RALYL: variants seen among roughly 807,000 people sequenced by gnomAD.
RALYL encodes the protein RNA-binding Raly-like protein.
A neutral mutation model predicts 35.1 loss-of-function variants in RALYL; 29 were observed. That is an observed-to-expected ratio of 0.83 (90% CI 0.61 to 1.13). RALYL has a LOEUF of 1.13. Among genes scored for constraint, RALYL ranks in the 50% most tolerant of loss-of-function variants. RALYL has a pLI of 0.00. For synonymous variants in RALYL, 120 were observed against 127.6 expected, an observed-to-expected ratio of 0.94 and a Z score of 0.40; for missense variants, 359 against 360.4, an observed-to-expected ratio of 1.00 and a Z score of 0.03.
chr8:84,301,527 G>A (rs1175143098), intron 1 of RALYL, among the ~76,000 whole-genome samples: 1 of 151,956 alleles, frequency 6.6e-6, no homozygotes, highest in South Asian at 2.1e-4. Context: ...ACGATAGTGC[G>A]AGGCCATAAA....
At chr8:84,349,206 G>C in intron 1 of RALYL, among the ~76,000 whole-genome samples, 1 of 150,270 alleles carries the variant, frequency 6.7e-6, no homozygotes, top group South Asian at 2.1e-4. Context: ...AGTTTATTTG[G>C]CTAGGATTCC....
intron 1 of RALYL, among the ~76,000 whole-genome samples, chr8:84,242,367 A>C (rs1257630822): frequency 2.0e-5 from 3 of 152,196 alleles, no homozygotes; most frequent in Admixed American, 1.3e-4. Flanking sequence ...CAATAACAGA[A>C]TTGCTGTGTC....
chr8:84,495,896 A>T (rs954344227), intron 1 of RALYL, among the ~76,000 whole-genome samples: 1 of 152,164 alleles, frequency 6.6e-6, no homozygotes, highest in African/African-American at 2.4e-5. Context: ...ATGGAAAGAT[A>T]GTAGACTTTG....
intron 1 of RALYL, among the ~76,000 whole-genome samples, chr8:84,397,733 G>A (rs2042487032): frequency 1.3e-5 from 2 of 152,134 alleles, no homozygotes; most frequent in South Asian, 4.1e-4. Flanking sequence ...CACATTCAAA[G>A]AGCCCCTCCT....
At chr8:84,284,317 G>A (rs1429785076) in intron 1 of RALYL, among the ~76,000 whole-genome samples, 1 of 152,118 alleles carries the variant, frequency 6.6e-6, no homozygotes, top group African/African-American at 2.4e-5. Flanking sequence ...AAGCAGTAAT[G>A]CAGAAAATTG....
chr8:84,553,106 AAATCTT>A (rs1368510052), intron 2 of RALYL, among the ~76,000 whole-genome samples: 3 of 146,762 alleles, frequency 2.0e-5, no homozygotes, highest in African/African-American at 8.3e-5. Context: ...AAGTAAAAAC[AAATCTT>A]AATCTTAAAT....
At chr8:84,662,948 A>G (rs189012340) in intron 2 of RALYL, among the ~76,000 whole-genome samples, 2 of 152,142 alleles carry the variant, frequency 1.3e-5, no homozygotes, top group African/African-American at 4.8e-5. Flanking sequence ...CAGATTAAGC[A>G]CAGCATCCAC....
intron 1 of RALYL, among the ~76,000 whole-genome samples, chr8:84,202,272 T>C (rs1817016224): frequency 6.6e-6 from 1 of 151,416 alleles, no homozygotes; most frequent in Non-Finnish European, 1.5e-5. Context: ...CCTTCTTACC[T>C]AACACTGGTA....
chr8:84,245,516 A>G (rs1303349793), intron 1 of RALYL, among the ~76,000 whole-genome samples: 1 of 152,166 alleles, frequency 6.6e-6, no homozygotes, highest in Non-Finnish European at 1.5e-5. Flanking sequence ...AAGACTTCAA[A>G]TAGAAAATGC....
intron 2 of RALYL, among the ~76,000 whole-genome samples, chr8:84,669,204 A>C (rs1832699773): frequency 6.6e-6 from 1 of 152,170 alleles, no homozygotes; most frequent in Admixed American, 6.5e-5. Context: ...CTCACTGGGT[A>C]CACTTTGACT....
At chr8:84,431,307 T>A (rs1012822772) in intron 1 of RALYL, among the ~76,000 whole-genome samples, 1 of 152,076 alleles carries the variant, frequency 6.6e-6, no homozygotes, top group African/African-American at 2.4e-5. Flanking sequence ...ATTGTGCACT[T>A]GGCCAATATA....
At chr8:84,459,710 A>G (rs144726476) in intron 1 of RALYL, among the ~76,000 whole-genome samples, 16 of 151,904 alleles carry the variant, frequency 1.1e-4, no homozygotes, top group African/African-American at 3.1e-4. Context: ...AATTGCTGAA[A>G]TCATCTCCAG....
chr8:84,261,039 AG>A (rs1203128758), intron 1 of RALYL, among the ~76,000 whole-genome samples: 2 of 151,470 alleles, frequency 1.3e-5, no homozygotes, highest in Non-Finnish European at 2.9e-5. Flanking sequence ...TGCTGCCTTA[AG>A]ATACTTAATT....
intron 1 of RALYL, among the ~76,000 whole-genome samples, chr8:84,339,532 A>G (rs1385682071): frequency 2.0e-5 from 3 of 151,854 alleles, no homozygotes; most frequent in Admixed American, 6.6e-5. Context: ...CACTGATTCT[A>G]CATTATGGTG....
At chr8:84,489,702 C>A (rs1369781306) in intron 1 of RALYL, among the ~76,000 whole-genome samples, 1 of 151,966 alleles carries the variant, frequency 6.6e-6, no homozygotes, top group Non-Finnish European at 1.5e-5. Context: ...ATTGTCAGAA[C>A]ACAGTTGTCA....
At chr8:84,539,179 C>T (rs2059820184) in intron 2 of RALYL, among the ~76,000 whole-genome samples, 1 of 152,124 alleles carries the variant, frequency 6.6e-6, no homozygotes, top group South Asian at 2.1e-4. Flanking sequence ...GGACAAGTTA[C>T]TAAAGGAGCA....
At chr8:84,306,174 A>C (rs867154746) in intron 1 of RALYL, among the ~76,000 whole-genome samples, 3 of 152,060 alleles carry the variant, frequency 2.0e-5, no homozygotes, top group Non-Finnish European at 4.4e-5. Context: ...AAAAAAAAAA[A>C]AACGAAAACC....
intron 4 of RALYL, among the ~76,000 whole-genome samples, chr8:84,819,898 A>T (rs1024941196): frequency 1.3e-5 from 2 of 152,200 alleles, no homozygotes; most frequent in African/African-American, 4.8e-5. Flanking sequence ...CATATAATAA[A>T]GTGTCACATT....
At chr8:84,627,341 A>C (rs1276382377) in intron 2 of RALYL, among the ~76,000 whole-genome samples, 2 of 150,076 alleles carry the variant, frequency 1.3e-5, no homozygotes, top group Non-Finnish European at 3.0e-5. Context: ...CCTATCCCAG[A>C]TGATGTTTTT....
Sources: gnomAD v4.1 joint callset for allele counts (sites outside exome capture counted in the v4.1 genomes callset) on GRCh38, gnomAD v4.1.1 for gene constraint, MANE v1.5 for transcripts, NCBI Gene and HGNC (gene_info 2026-07-23, HGNC 2026-07-21) for gene names.